CYP27B1: variants seen among roughly 807,000 people sequenced by gnomAD.
CYP27B1 encodes 25-hydroxyvitamin D-1 alpha hydroxylase, mitochondrial.
In CYP27B1, 46 loss-of-function variants were observed where a neutral mutation model predicts 54.8. That is an observed-to-expected ratio of 0.84 (90% CI 0.66 to 1.07). The LOEUF (loss-of-function observed/expected upper bound fraction) is 1.07. Among genes scored for constraint, CYP27B1 ranks in the 50% least tolerant of loss-of-function variants. The pLI, the probability that CYP27B1 is intolerant of heterozygous loss-of-function variation, is 0.00. For synonymous variants in CYP27B1, 292 were observed against 297.3 expected (o/e 0.98, Z 0.18); for missense variants, 674 against 692.2 (o/e 0.97, Z 0.30).
chr12:57,764,297 A>C (rs755675782), intron 6 of CYP27B1, 81 bp downstream of exon 6: 3 of 1,589,958 alleles, frequency 1.9e-6, no homozygotes, highest in South Asian at 2.2e-5. Flanking sequence ...TTTCTCTGCT[A>C]TCTCCCTGCT....
Position 57,763,614 on chromosome 12 carries a change from G to A in CYP27B1, c.1410C>T (p.Ala470=). 6.2e-7 allele frequency: 1 copy of A among 1,613,806 alleles called. No individual in the cohort carries two copies. Among genetic ancestry groups the A allele is most frequent in the Non-Finnish European group, 8.5e-7 (1 of 1,179,904 alleles). Residue 470 remains alanine (A), a synonymous_variant, in exon 8 of 9, where the codon GCC becomes GCT. Coordinates refer to ENST00000228606, the MANE Select transcript of CYP27B1 (RefSeq NM_000785.4). ...GTATAAAATCTAGAGCACTCACCTG[G>A]GCCAAAGCCATTTGCAATTCAAGCT... ...LAELELQMAL[A]QILTHFEVQP... is the part of the protein sequence containing the mutation.
intron 1 of CYP27B1, 106 bp downstream of exon 1, chr12:57,766,741 G>T: frequency 8.0e-7 from 1 of 1,249,090 alleles, no homozygotes; most frequent in Non-Finnish European, 1.2e-6. Context: ...ATGGGCATCC[G>T]TTCTCTCTGG....
In CYP27B1 at chr12:57,764,803, T is replaced by G. The variant is rs567237244; in HGVS notation, c.914A>C (p.Gln305Pro). Residue 305 changes from glutamine to proline, a missense_variant, in exon 5 of 9, where the codon CAG becomes CCG. Gln to Pro is a moderately conservative substitution (Grantham distance 76). Coordinates refer to ENST00000228606, the MANE Select transcript of CYP27B1 (RefSeq NM_000785.4). ...CTCTGTCACATTTCCCAGGATGGACTGGGCAGGCAACTCTTCCCGGAACAG... is the reference window on the plus strand; with the variant it reads ...CTCTGTCACATTTCCCAGGATGGACGGGGCAGGCAACTCTTCCCGGAACAG... ...HFLFREELPAQSILGNVTELL... is the reference protein window; with the variant it reads ...HFLFREELPAPSILGNVTELL... The G allele has an allele frequency of 8.5e-5, 138 of 1,614,142 alleles. No homozygotes were observed. In the South Asian group the frequency reaches 1.2e-3, roughly 15 times the overall value.
At position 57,766,875 on chromosome 12, in the gene CYP27B1, C is replaced by G. The variant is rs769363080; in HGVS notation, c.167G>C (p.Gly56Ala). 1.8e-5 allele frequency: 29 copies of G among 1,614,128 alleles called. No homozygotes were observed. Among genetic ancestry groups the G allele is most frequent in the African/African-American group, 6.7e-5 (5 of 74,940 alleles). The change falls in exon 1 of 9, where the codon GGG (glycine) becomes GCG (alanine). Residue 56 changes from glycine (G) to alanine (A), a missense_variant. By Grantham distance (60) the Gly-to-Ala change is moderately conservative (BLOSUM62 0). Coordinates refer to ENST00000228606, the MANE Select transcript of CYP27B1 (RefSeq NM_000785.4). ...PSFLAELFCK[G>A]GLSRLHELQV... ...CAGCTCGTGTAGCCTCGACAGCCCC[C>G]CCTTGCAGAAAAGTTCGGCCAGAAA...
At position 57,765,172 on chromosome 12, in the gene CYP27B1, A is replaced by C; in HGVS notation, c.629T>G (p.Leu210Arg). ...CGTGTCGGGTGGCACTTGAGCCTCC[A>C]GGCAGCCCAAGCGCGAGCCGAGCAG... ...AVLLGSRLGCLEAQVPPDTET... is the reference protein window; with the variant it reads ...AVLLGSRLGCREAQVPPDTET... Residue 210 changes from leucine (L) to arginine (R), a missense_variant, in exon 4 of 9, where the codon CTG becomes CGG. Coordinates refer to ENST00000228606, the MANE Select transcript of CYP27B1 (RefSeq NM_000785.4). This position sits in a 1 kb window ranked among gnomAD's most constrained non-coding sequence, Gnocchi z 5.8. The C allele has an allele frequency of 6.2e-7, 1 of 1,613,500 alleles. No homozygotes were observed. The highest frequency in any genetic ancestry group is 8.5e-7 in the Non-Finnish European group (1 of 1,179,862).
rs996571905 is a variant in CYP27B1, at chr12:57,764,439, G to A, written c.1075C>T (p.Pro359Ser). 1 of 1,614,206 alleles carries A rather than the reference G, an allele frequency of 6.2e-7. No homozygotes were observed. The highest frequency in any genetic ancestry group is 1.1e-5 in the South Asian group (1 of 91,088). ...AGCTGGGACAGAACAGTGGCTGAGG[G>A]GTAGGCACTGGAGCCAGGGCTCAGG... ...AALSPGSSAY[P>S]SATVLSQLPL... Residue 359 changes from proline (P) to serine (S), a missense_variant, in exon 6 of 9, where the codon CCC becomes TCC. Physicochemically the swap from Pro to Ser is moderately conservative, Grantham distance 74. Transcript: ENST00000228606.
rs746021709 is a variant in CYP27B1 at position 57,765,066 on chromosome 12, A to G, written c.735T>C (p.Leu245=). 84 of 1,613,650 alleles carry G rather than the reference A, an allele frequency of 5.2e-5. No homozygotes were observed. Among genetic ancestry groups the G allele is most frequent in the Non-Finnish European group, 4.2e-6 (5 of 1,180,036 alleles). ...TMAMPHWLRH[L]VPGPWGRLCR... ...AGAGGCGGCCCCAGGGCCCAGGCAC[A>G]AGGTGGCGCAGCCAGTGGGGCATCG... is the stretch of plus-strand genomic sequence containing the variant. Residue 245 remains leucine, a synonymous_variant, in exon 4 of 9, where the codon CTT becomes CTC. Transcript: ENST00000228606. The surrounding 1 kb of genome is among the most constrained non-coding windows in gnomAD (Gnocchi z 5.8).
rs1955366197 is a variant in CYP27B1, at chr12:57,766,855, C to T, written c.187G>A (p.Glu63Lys). The change falls in exon 1 of 9, where the codon GAG becomes AAG. Residue 63 changes from glutamate to lysine, a missense_variant. By Grantham distance (56) the Glu-to-Lys change is moderately conservative. Coordinates refer to ENST00000228606, the MANE Select transcript of CYP27B1 (RefSeq NM_000785.4). ...AAGGCGTCCCTTCCTACCTGCAGCTCGTGTAGCCTCGACAGCCCCCCCTTG... is the reference window on the plus strand; with the variant it reads ...AAGGCGTCCCTTCCTACCTGCAGCTTGTGTAGCCTCGACAGCCCCCCCTTG... ...FCKGGLSRLHELQVQGAAHFG... is the reference protein window; with the variant it reads ...FCKGGLSRLHKLQVQGAAHFG... 1 of 1,614,228 alleles carries T rather than the reference C, an allele frequency of 6.2e-7. No homozygotes were observed. The highest frequency in any genetic ancestry group is 2.2e-5 in the East Asian group (1 of 44,888).
chr12:57,765,222 G>T lies in CYP27B1; in HGVS notation c.590-11C>A. ...GAACCGCGGCGATGCCTTGTCGGGA[G>T]GGGGCGCCGTCAGGGTTCCGGGAGG... On this transcript the variant is annotated splice_polypyrimidine_tract_variant and intron_variant, in intron 3 of 8. Transcript: ENST00000228606. The surrounding 1 kb of genome is among the most constrained non-coding windows in gnomAD (Gnocchi z 5.8). 1 of 1,611,670 alleles carries T rather than the reference G, an allele frequency of 6.2e-7. No individual in the cohort carries two copies.
chr12:57,764,302 C>T, intron 6 of CYP27B1, 76 bp downstream of exon 6: 2 of 1,595,424 alleles, frequency 1.3e-6, no homozygotes, highest in Non-Finnish European at 1.7e-6. Flanking sequence ...CTGCTATCTC[C>T]CTGCTTCCAT....
At position 57,766,990 on chromosome 12, in the gene CYP27B1, C is replaced by T. The variant is rs1341705420; in HGVS notation, c.52G>A (p.Ala18Thr). 1.9e-6 allele frequency: 3 copies of T among 1,614,150 alleles called. No homozygotes were observed. The highest frequency in any genetic ancestry group is 2.5e-6 in the Non-Finnish European group (3 of 1,180,012). Reference sequence around the variant, plus strand: ...CCTAGGGAGGCGCCCAACTCGGGCGCCCAGCGGACGCGATGGAACACTCTG... The same window carrying T: ...CCTAGGGAGGCGCCCAACTCGGGCGTCCAGCGGACGCGATGGAACACTCTG... ...ASRVFHRVRW[A>T]PELGASLGYR... is the part of the protein sequence containing the mutation. The change falls in exon 1 of 9, where the codon GCG becomes ACG. Residue 18 changes from alanine to threonine, a missense_variant. By Grantham distance (58) the Ala-to-Thr change is moderately conservative. Transcript: ENST00000228606.
intron 8 of CYP27B1, 119 bp from the exon 9 acceptor site, chr12:57,763,374 G>C: frequency 1.1e-6 from 1 of 889,652 alleles, no homozygotes; most frequent in African/African-American, 1.7e-5. Flanking sequence ...TGATTGGGTG[G>C]CACCTGTGGC....
In CYP27B1 at chr12:57,765,268, C is replaced by G. The variant is rs768496384; in HGVS notation, c.589+29G>C. Reference sequence around the variant, plus strand: ...GGAGGCTCTGGTAGGGCGCCCCCGACGCCTGCCCAGCTCTGTCCTGGGACT... The same window carrying G: ...GGAGGCTCTGGTAGGGCGCCCCCGAGGCCTGCCCAGCTCTGTCCTGGGACT... On this transcript the variant is annotated intron_variant, in intron 3 of 8. Coordinates refer to ENST00000228606, the MANE Select transcript of CYP27B1 (RefSeq NM_000785.4). The surrounding 1 kb of genome is among the most constrained non-coding windows in gnomAD (Gnocchi z 5.8). 3 of 1,612,042 alleles carry G rather than the reference C, an allele frequency of 1.9e-6. No homozygotes were observed. The highest frequency in any genetic ancestry group is 2.5e-6 in the Non-Finnish European group (3 of 1,179,362).
At chr12:57,763,325 T>A (rs533152224) in intron 8 of CYP27B1, 70 bp from the exon 9 acceptor site, 1 of 1,167,942 alleles carries the variant, frequency 8.6e-7, no homozygotes, top group South Asian at 1.3e-5. Flanking sequence ...GGTAATCCAA[T>A]TGGTAAAGGG....
Position 57,764,470 on chromosome 12 carries a change from T to C in CYP27B1, c.1044A>G (p.Thr348=), listed in dbSNP as rs780623929. The C allele has an allele frequency of 4.3e-6, 7 of 1,614,068 alleles. No homozygotes were observed. In the East Asian group the frequency reaches 1.6e-4, roughly 36 times the overall value. The change falls in exon 6 of 9, where the codon ACA becomes ACG. Residue 348 remains threonine (T), a synonymous_variant. Transcript: ENST00000228606. ...CACTGGAGCCAGGGCTCAGGGCAGC[T>C]GTGATCTCTGAGTGGAGTGCTGTCT... ...EVQTALHSEI[T]AALSPGSSAY... is the part of the protein sequence containing the mutation.
In CYP27B1 at chr12:57,765,733, T is replaced by C. The variant is rs912970613; in HGVS notation, c.387-234A>G. ...TAACTTGAGTCACAGAACCTTACAT[T>C]CATTCCATCCAGATCCTTGTACCCT... On this transcript the variant is annotated intron_variant, in intron 2 of 8. Transcript: ENST00000228606. The surrounding 1 kb of genome is among the most constrained non-coding windows in gnomAD (Gnocchi z 5.8). 3 of 805,440 alleles carry C rather than the reference T, an allele frequency of 3.7e-6. No homozygotes were observed. Among genetic ancestry groups the C allele is most frequent in the Non-Finnish European group, 6.1e-6 (3 of 494,744 alleles). The allele number at this position is 805,440 out of a possible 1,614,324, so 49.9% of individuals were successfully genotyped here.
chr12:57,764,775 C>T lies in CYP27B1; in HGVS notation c.942G>A (p.Leu314=), dbSNP rs8176345. Residue 314 remains leucine, a synonymous_variant, in exon 5 of 9, where the codon TTG becomes TTA. Transcript: ENST00000228606. The part of the protein sequence containing the change: ...AQSILGNVTE[L]LLAGVDTVSN... ...TCACCGTGTCCACTCCCGCCAATAGCAACTCTGTCACATTTCCCAGGATGG... is the reference window on the plus strand; with the variant it reads ...TCACCGTGTCCACTCCCGCCAATAGTAACTCTGTCACATTTCCCAGGATGG... The T allele has an allele frequency of 0.028, 44,829 of 1,614,152 alleles. 720 individuals carry two copies. Among genetic ancestry groups the T allele is most frequent in the Middle Eastern group, 0.033 (200 of 6,062 alleles).
Position 57,762,833 on chromosome 12 carries a change from G to A in CYP27B1, c.*309C>T. On this transcript the variant is annotated 3_prime_UTR_variant, in exon 9 of 9. Coordinates refer to ENST00000228606, the MANE Select transcript of CYP27B1 (RefSeq NM_000785.4). ...ACACTATGAAAGCCCAAAAAGAGAGGCAGTTGAATCTTTCCTCAGGCCATC... is the reference window on the plus strand; with the variant it reads ...ACACTATGAAAGCCCAAAAAGAGAGACAGTTGAATCTTTCCTCAGGCCATC... 3 of 381,614 alleles carry A rather than the reference G, an allele frequency of 7.9e-6. No homozygotes were observed. The highest frequency in any genetic ancestry group is 6.5e-5 in the South Asian group (3 of 46,030). 23.6% of individuals were successfully genotyped at this position (381,614 alleles called of 1,614,324 possible).
At chr12:57,764,201 G>A (rs1169282266) in intron 6 of CYP27B1, 25 bp from the exon 7 acceptor site, 1 of 1,600,120 alleles carries the variant, frequency 6.2e-7, no homozygotes, top group Non-Finnish European at 8.6e-7. Context: ...ACAAAATGGA[G>A]ACAACAAGAT....
Sources: gnomAD v4.1 joint callset for allele counts on GRCh38, gnomAD v4.1.1 for gene constraint, Gnocchi (gnomAD v3.1) non-coding constraint, MANE v1.5 for transcripts, NCBI Gene and HGNC (gene_info 2026-07-23, HGNC 2026-07-21) for gene names.